RFX8: variants seen among roughly 807,000 people sequenced by gnomAD.
RFX8 encodes DNA-binding protein RFX8.
Under a neutral mutation model 54.6 loss-of-function variants are expected in RFX8, and 46 were observed. The ratio of observed to expected loss-of-function variants is 0.84; its 90% CI spans 0.67 to 1.08. RFX8 has a LOEUF of 1.08. RFX8 is among the 50% of genes least tolerant of loss of function. The pLI is 0.00. For missense variants in RFX8, 536 were observed against 562.3 expected (o/e 0.95, Z 0.47); for synonymous variants, 192 against 209.5 (o/e 0.92, Z 0.72).
chr2:101,414,177 T>C (rs1686342064), intron 7 of RFX8, among the ~76,000 whole-genome samples: 1 of 152,176 alleles, frequency 6.6e-6, no homozygotes, highest in Non-Finnish European at 1.5e-5. Flanking sequence ...GAAGGGTGTG[T>C]CTGTCTGTCT....
In RFX8 at chr2:101,464,301, T is replaced by C. The variant is rs114704279; in HGVS notation, c.72+2476A>G. Among the ~76,000 whole-genome samples, 712 of 152,336 alleles carry C rather than the reference T, an allele frequency of 4.7e-3. 2 individuals carry two copies. Among genetic ancestry groups the C allele is most frequent in the Non-Finnish European group, 7.7e-3 (525 of 68,026 alleles). On this transcript the variant is annotated intron_variant, in intron 2 of 11. Transcript: ENST00000428343. Reference sequence around the variant, plus strand: ...TAGTCCGTTTATAATCAGAAAAACATCAGCAAATGTTATTTCAAAAGAGGA... The same window carrying C: ...TAGTCCGTTTATAATCAGAAAAACACCAGCAAATGTTATTTCAAAAGAGGA...
chr2:101,439,679 T>A (rs1370138873), intron 2 of RFX8, among the ~76,000 whole-genome samples: 1 of 151,698 alleles, frequency 6.6e-6, no homozygotes, highest in African/African-American at 2.4e-5. Flanking sequence ...ATTAATTTTG[T>A]ACCTTTGTCA....
intron 3 of RFX8, among the ~76,000 whole-genome samples, chr2:101,422,064 T>C (rs1161094321): frequency 6.6e-6 from 1 of 152,194 alleles, no homozygotes; most frequent in Non-Finnish European, 1.5e-5. Context: ...TTTCTAAACT[T>C]CAATTTTCCC....
chr2:101,423,887 C>T (rs890854616), intron 2 of RFX8, among the ~76,000 whole-genome samples: 21 of 152,100 alleles, frequency 1.4e-4, no homozygotes, highest in African/African-American at 4.6e-4. Context: ...TTGAGGATCA[C>T]AGAAGTTTAG....
intron 2 of RFX8, among the ~76,000 whole-genome samples, chr2:101,446,404 G>A (rs1688379365): frequency 7.1e-6 from 1 of 140,810 alleles, no homozygotes; most frequent in Non-Finnish European, 1.6e-5. Flanking sequence ...TCGATCTCCT[G>A]ACCTCGTGAT....
intron 6 of RFX8, among the ~76,000 whole-genome samples, chr2:101,415,648 G>C (rs929124773): frequency 1.3e-5 from 2 of 152,186 alleles, no homozygotes; most frequent in Non-Finnish European, 2.9e-5. Flanking sequence ...AAATATATGG[G>C]AGAACACTCG....
intron 10 of RFX8, among the ~76,000 whole-genome samples, chr2:101,403,481 T>A (rs1380820107): frequency 6.6e-6 from 1 of 152,202 alleles, no homozygotes; most frequent in South Asian, 2.1e-4. Flanking sequence ...ATGACTCTTA[T>A]ACAGATATAA....
At chr2:101,446,670 G>A (rs564625221) in intron 2 of RFX8, among the ~76,000 whole-genome samples, 150 of 152,110 alleles carry the variant, frequency 9.9e-4, no homozygotes, top group African/African-American at 3.3e-3. Context: ...CTGTGACATC[G>A]GAAACAAACA....
At chr2:101,404,474 A>C (rs1162118246) in intron 10 of RFX8, among the ~76,000 whole-genome samples, 1 of 152,226 alleles carries the variant, frequency 6.6e-6, no homozygotes, top group African/African-American at 2.4e-5. Context: ...TCTGTTGCCC[A>C]GGCTGGAGTG....
At chr2:101,467,860 A>G (rs1359784110) in intron 1 of RFX8, among the ~76,000 whole-genome samples, 2 of 151,402 alleles carry the variant, frequency 1.3e-5, no homozygotes, top group South Asian at 2.1e-4. Context: ...GGGACAGACC[A>G]TCGTTCTTTA....
At chr2:101,448,162 G>A (rs1374560683) in intron 2 of RFX8, among the ~76,000 whole-genome samples, 1 of 152,172 alleles carries the variant, frequency 6.6e-6, no homozygotes, top group Non-Finnish European at 1.5e-5. Flanking sequence ...GTGAATTTTG[G>A]AAGGACACAA....
rs528354858 is a variant in RFX8 at position 101,411,401 on chromosome 2, T to A, written c.719-688A>T. Among the ~76,000 whole-genome samples the A allele has an allele frequency of 4.6e-5, 7 of 152,284 alleles. No homozygotes were observed. In the East Asian group the frequency reaches 1.4e-3, roughly 29 times the overall value. The stretch of plus-strand genomic sequence containing the variant: ...AGTGGCTGGCAGTCTGCTATCTCCC[T>A]GCAGAACTCTGCATCTTCCTGTTGG... On this transcript the variant is annotated intron_variant, in intron 8 of 11. Transcript: ENST00000428343.
chr2:101,436,662 TGCTAGAGAGCTC>T lies in RFX8; in HGVS notation c.73-14202_73-14191del, dbSNP rs1358840616. Among the ~76,000 whole-genome samples, 2 of 152,206 alleles carry T rather than the reference TGCTAGAGAGCTC, an allele frequency of 1.3e-5. 1 individual carries two copies. The highest frequency in any genetic ancestry group is 2.9e-5 in the Non-Finnish European group (2 of 68,034). On this transcript the variant is annotated intron_variant, in intron 2 of 11. Coordinates refer to ENST00000428343, the MANE Select transcript of RFX8 (RefSeq NM_001145664.2). ...AAGACCAACATACTCATCATAGGTTTGCTAGAGAGCTCGCTTCTGGGTTTTAAACACAATAGA... is the reference window on the plus strand; with the variant it reads ...AAGACCAACATACTCATCATAGGTTTGCTTCTGGGTTTTAAACACAATAGA...
At chr2:101,468,024 C>G (rs1689676101) in intron 1 of RFX8, among the ~76,000 whole-genome samples, 1 of 152,028 alleles carries the variant, frequency 6.6e-6, no homozygotes, top group Non-Finnish European at 1.5e-5. Flanking sequence ...TAGTATACAG[C>G]TTATCTTCTG....
chr2:101,411,136 G>A (rs922260255), intron 8 of RFX8, among the ~76,000 whole-genome samples: 2 of 152,346 alleles, frequency 1.3e-5, no homozygotes, highest in South Asian at 2.1e-4. Flanking sequence ...GAGGGTGAGC[G>A]CCTTGCCTGC....
chr2:101,422,332 A>G, intron 3 of RFX8, 30 bp downstream of exon 3: 1 of 1,092,924 alleles, frequency 9.1e-7, no homozygotes, highest in Non-Finnish European at 1.4e-6. Context: ...ACAGCGTGAA[A>G]GGCTAATCTC....
At position 101,397,509 on chromosome 2, in the gene RFX8, G is replaced by A. The variant is rs1685193075; in HGVS notation, c.*39C>T. 7.4e-7 allele frequency: 1 copy of A among 1,344,480 alleles called. No individual in the cohort carries two copies. The highest frequency in any genetic ancestry group is 1.0e-6 in the Non-Finnish European group (1 of 990,274). 83.3% of individuals were successfully genotyped at this position (1,344,480 alleles called of 1,614,324 possible). On this transcript the variant is annotated 3_prime_UTR_variant, in exon 12 of 12. Coordinates refer to ENST00000428343, the MANE Select transcript of RFX8 (RefSeq NM_001145664.2). ...GTATTTAATATTTTTAAGAATGCAA[G>A]TCTATCAGTTTTCTTATTCTCTATT... is the stretch of plus-strand genomic sequence containing the variant.
intron 2 of RFX8, among the ~76,000 whole-genome samples, chr2:101,430,085 C>G (rs1284869593): frequency 6.6e-6 from 1 of 152,222 alleles, no homozygotes; most frequent in East Asian, 1.9e-4. Flanking sequence ...GATTCAGGGT[C>G]TGGACACGAA....
chr2:101,441,845 A>G (rs1688112908), intron 2 of RFX8, among the ~76,000 whole-genome samples: 1 of 152,116 alleles, frequency 6.6e-6, no homozygotes, highest in Non-Finnish European at 1.5e-5. Flanking sequence ...TTTCTTTTTA[A>G]ATTCACTCTG....
Sources: gnomAD v4.1 joint callset for allele counts (sites outside exome capture counted in the v4.1 genomes callset) on GRCh38, gnomAD v4.1.1 for gene constraint, MANE v1.5 for transcripts, NCBI Gene and HGNC (gene_info 2026-07-23, HGNC 2026-07-21) for gene names.